SPAG16: variants seen among roughly 807,000 people sequenced by gnomAD.
SPAG16 encodes sperm-associated antigen 16 protein.
Under a neutral mutation model 80.4 loss-of-function variants are expected in SPAG16, and 86 were observed. The ratio of observed to expected loss-of-function variants is 1.07; its 90% confidence interval spans 0.90 to 1.28. The LOEUF is 1.28. Among genes scored for constraint, SPAG16 ranks in the 50% most tolerant of loss-of-function variants. The pLI, the probability that SPAG16 is intolerant of heterozygous loss-of-function variation, is 0.00. For missense variants in SPAG16, 870 were observed against 765.3 expected (o/e 1.14, Z -1.61); for synonymous variants, 294 against 265.9 (o/e 1.11, Z -1.03).
At chr2:213,846,941 G>A (rs1031219618) in intron 10 of SPAG16, among the ~76,000 whole-genome samples, 4 of 152,110 alleles carry the variant, frequency 2.6e-5, no homozygotes, top group African/African-American at 4.8e-5. Context: ...TTCCCATCTC[G>A]TCCAGGCTGT....
At chr2:214,084,235 T>C (rs1002872008) in intron 13 of SPAG16, among the ~76,000 whole-genome samples, 4 of 152,216 alleles carry the variant, frequency 2.6e-5, no homozygotes, top group African/African-American at 7.2e-5. Flanking sequence ...AGTCCTCTCA[T>C]TTGTTTACAT....
chr2:214,306,423 A>T (rs1008899912), intron 15 of SPAG16, among the ~76,000 whole-genome samples: 3 of 152,284 alleles, frequency 2.0e-5, no homozygotes, highest in Non-Finnish European at 4.4e-5. Context: ...TTGAATAGGC[A>T]TAGTGAGAGA....
At chr2:213,327,076 TTTTC>T (rs1009937919) in intron 5 of SPAG16, among the ~76,000 whole-genome samples, 1 of 151,850 alleles carries the variant, frequency 6.6e-6, no homozygotes, top group African/African-American at 2.4e-5. Flanking sequence ...GTGCAAATTG[TTTTC>T]TTTATGATGT....
chr2:214,308,097 A>ATAGT (rs34993614), intron 15 of SPAG16, among the ~76,000 whole-genome samples: 35,631 of 151,912 alleles, frequency 0.23, 4,359 homozygotes, highest in East Asian at 0.36. Context: ...TATATTTAGG[A>ATAGT]TAGTTAGCTC....
At chr2:213,968,992 A>C (rs1481703504) in intron 12 of SPAG16, among the ~76,000 whole-genome samples, 1 of 152,230 alleles carries the variant, frequency 6.6e-6, no homozygotes, top group Admixed American at 6.5e-5. Flanking sequence ...TACAAGTATT[A>C]TAGACAGCTT....
intron 10 of SPAG16, among the ~76,000 whole-genome samples, chr2:213,635,343 A>T (rs1050813891): frequency 1.3e-5 from 2 of 152,054 alleles, no homozygotes; most frequent in African/African-American, 4.8e-5. Flanking sequence ...CCCTGGTTTC[A>T]TATTTTTGCA....
chr2:213,338,039 A>G (rs753943949), intron 5 of SPAG16, among the ~76,000 whole-genome samples: 1 of 152,218 alleles, frequency 6.6e-6, no homozygotes, highest in Non-Finnish European at 1.5e-5. Flanking sequence ...AAACCCTACA[A>G]GCCAGAAGAT....
intron 15 of SPAG16, among the ~76,000 whole-genome samples, chr2:214,212,231 A>T (rs1162112688): frequency 4.6e-5 from 7 of 151,872 alleles, no homozygotes; most frequent in Admixed American, 2.0e-4. Context: ...TGTTCCTCAG[A>T]CATGGCAAGC....
chr2:213,484,489 A>G (rs189044930), intron 9 of SPAG16, among the ~76,000 whole-genome samples: 28 of 152,282 alleles, frequency 1.8e-4, no homozygotes, highest in African/African-American at 5.5e-4. Flanking sequence ...GTAATGGGCC[A>G]TTTGAGTGAT....
At chr2:214,313,108 A>G (rs1364575665) in intron 15 of SPAG16, among the ~76,000 whole-genome samples, 2 of 152,178 alleles carry the variant, frequency 1.3e-5, no homozygotes, top group African/African-American at 4.8e-5. Context: ...AATTGTTTTC[A>G]GTAAACAAAA....
chr2:213,500,168 G>A (rs1459376799), intron 10 of SPAG16, among the ~76,000 whole-genome samples: 2 of 152,132 alleles, frequency 1.3e-5, no homozygotes, highest in African/African-American at 2.4e-5. Context: ...CCCACAGAAT[G>A]CTTTCATGGG....
intron 15 of SPAG16, among the ~76,000 whole-genome samples, chr2:214,280,036 T>A (rs997678192): frequency 2.0e-5 from 3 of 152,162 alleles, no homozygotes; most frequent in African/African-American, 7.2e-5. Flanking sequence ...ATGTCTCAAA[T>A]TGATGACACC....
intron 9 of SPAG16, among the ~76,000 whole-genome samples, chr2:213,377,608 G>GT (rs1392265854): frequency 7.9e-5 from 12 of 152,150 alleles, no homozygotes; most frequent in African/African-American, 2.9e-4. Context: ...TGTAATGGTG[G>GT]TGGTGTGTGG....
At chr2:214,066,531 T>G (rs528349248) in intron 13 of SPAG16, among the ~76,000 whole-genome samples, 1 of 152,332 alleles carries the variant, frequency 6.6e-6, no homozygotes, top group East Asian at 1.9e-4. Context: ...GTCATTATTC[T>G]TTCCTTATTG....
At chr2:213,825,618 T>A (rs2073230125) in intron 10 of SPAG16, among the ~76,000 whole-genome samples, 1 of 151,956 alleles carries the variant, frequency 6.6e-6, no homozygotes, top group East Asian at 1.9e-4. Flanking sequence ...TTGTTGAATT[T>A]GGTTTGCTAG....
intron 10 of SPAG16, among the ~76,000 whole-genome samples, chr2:213,578,749 AT>A (rs894740741): frequency 5.9e-5 from 9 of 151,840 alleles, no homozygotes; most frequent in Non-Finnish European, 1.3e-4. Context: ...AAAGACAACT[AT>A]TTTTTTTCTG....
rs372536877 is a variant in SPAG16 at position 214,161,011 on chromosome 2, G to A, written c.1720+11745G>A. 9.2e-5 allele frequency among the ~76,000 whole-genome samples: 14 copies of A among 152,006 alleles called. No homozygotes were observed. The East Asian group carries it at 2.7e-3, about 29-fold the overall frequency. ...AATTGAAATATTTAGATTATATTGA[G>A]TCAATTGTTCAGCTCCCACTTATAA... On this transcript the variant is annotated intron_variant, in intron 15 of 15. Transcript: ENST00000331683.
chr2:213,945,270 T>C (rs1014047723), intron 12 of SPAG16, among the ~76,000 whole-genome samples: 1 of 148,294 alleles, frequency 6.7e-6, no homozygotes, highest in Admixed American at 6.8e-5. Context: ...TACAAGTATA[T>C]ATATATACAC....
At chr2:214,177,948 A>G (rs1217380132) in intron 15 of SPAG16, among the ~76,000 whole-genome samples, 4 of 111,776 alleles carry the variant, frequency 3.6e-5, no homozygotes, top group African/African-American at 1.4e-4. Context: ...CAGAATTGTT[A>G]TATCTAACTT....
Sources: gnomAD v4.1 joint callset for allele counts (sites outside exome capture counted in the v4.1 genomes callset) on GRCh38, gnomAD v4.1.1 for gene constraint, MANE v1.5 for transcripts, NCBI Gene and HGNC (gene_info 2026-07-23, HGNC 2026-07-21) for gene names.